Variants in MYCBPAP observed in about 807,000 individuals in gnomAD.
MYCBPAP encodes the protein MYCBP-associated protein.
MYCBPAP carries 60 observed loss-of-function variants against 106.1 expected under a neutral mutation model. The observed-to-expected ratio is 0.57, with a 90% CI of 0.46 to 0.70. The LOEUF (loss-of-function observed/expected upper bound fraction) is 0.70. Ranked by LOEUF, MYCBPAP falls within the 30% of genes least tolerant of loss-of-function variation. The pLI, the probability that MYCBPAP is intolerant of heterozygous loss-of-function variation, is 0.00. For missense variants in MYCBPAP, 1,064 were observed against 1,169.3 expected (o/e 0.91, Z 1.31); for synonymous variants, 407 against 440.6 (o/e 0.92, Z 0.95).
rs887938702 is a variant in MYCBPAP at position 50,509,379 on chromosome 17, C to T, written c.76+629C>T. ...GCTAGATATGACTGCTTCCTACCCT[C>T]TACAGCTTTCTTCTGGTTGCACCTG... On this transcript the variant is annotated intron_variant, in intron 1 of 18. Coordinates refer to ENST00000323776, the MANE Select transcript of MYCBPAP (RefSeq NM_032133.6). The T allele has an allele frequency of 1.4e-5, 7 of 494,132 alleles. No homozygotes were observed. In the East Asian group the frequency reaches 1.8e-4, roughly 13 times the overall value. 30.6% of individuals were successfully genotyped at this position (494,132 alleles called of 1,614,324 possible).
intron 1 of MYCBPAP, chr17:50,509,511 A>G (rs2143875069): frequency 5.4e-6 from 1 of 185,892 alleles, no homozygotes; most frequent in Admixed American, 5.6e-5. Flanking sequence ...ATTTATTTTT[A>G]AATTTAATTT....
At chr17:50,520,385 A>T (rs2034214101) in intron 7 of MYCBPAP, among the ~76,000 whole-genome samples, 1 of 152,072 alleles carries the variant, frequency 6.6e-6, no homozygotes, top group Admixed American at 6.6e-5. Context: ...CGCGCCTAGA[A>T]TCCCAGCTAC....
Position 50,523,668 on chromosome 17 carries a change from G to C in MYCBPAP, c.1519G>C (p.Glu507Gln). ...GTCTTTGACTGCTGGGGTCTTCAGG[G>C]AATTTTGGGAGTTTCGAACCCATCC... ...FKSLTAGVFR[E>Q]FWEFRTHPTL... The change falls in exon 12 of 19, where the codon GAA becomes CAA. Residue 507 changes from glutamate to glutamine, a missense_variant. Physicochemically the swap from Glu to Gln is conservative, Grantham distance 29 (BLOSUM62 2). Transcript: ENST00000323776. The C allele has an allele frequency of 6.2e-7, 1 of 1,614,220 alleles. No individual in the cohort carries two copies. The highest frequency in any genetic ancestry group is 8.5e-7 in the Non-Finnish European group (1 of 1,180,042).
chr17:50,529,417 G>A (rs1333819172), intron 18 of MYCBPAP: 2 of 500,684 alleles, frequency 4.0e-6, no homozygotes, highest in African/African-American at 1.9e-5. Flanking sequence ...AGGCACAGAG[G>A]CCTCAGTGAG....
In MYCBPAP at chr17:50,529,026, C is replaced by T. The variant is rs1414636089; in HGVS notation, c.2562C>T (p.Pro854=). 59 of 1,613,840 alleles carry T rather than the reference C, an allele frequency of 3.7e-5. No homozygotes were observed. Among genetic ancestry groups the T allele is most frequent in the Non-Finnish European group, 4.7e-5 (56 of 1,179,874 alleles). The change falls in exon 18 of 19, where the codon CCC becomes CCT. Residue 854 remains proline, a synonymous_variant. Coordinates refer to ENST00000323776, the MANE Select transcript of MYCBPAP (RefSeq NM_032133.6). ...GAKLLGKEDR[P]NSKKHKAKDD... Reference sequence around the variant, plus strand: ...TCTCCCTCCCCCAGCAGGACCGTCCCAACAGCAAGAAGCACAAGGCAAAGG... The same window carrying T: ...TCTCCCTCCCCCAGCAGGACCGTCCTAACAGCAAGAAGCACAAGGCAAAGG...
At chr17:50,518,473 G>A in intron 4 of MYCBPAP, 68 bp from the exon 5 acceptor site, 1 of 1,405,328 alleles carries the variant, frequency 7.1e-7, no homozygotes, top group Non-Finnish European at 9.5e-7. Context: ...TAGGCCTCGG[G>A]AAATGTGTGC....
chr17:50,531,297 T>C, intron 18 of MYCBPAP, 30 bp from the exon 19 acceptor site: 1 of 1,529,508 alleles, frequency 6.5e-7, no homozygotes, highest in East Asian at 2.3e-5. Flanking sequence ...CAGAGTAAAC[T>C]CTGCCTGTGA....
intron 7 of MYCBPAP, 157 bp from the exon 8 acceptor site, chr17:50,520,953 G>A (rs1322703214): frequency 4.8e-6 from 3 of 622,954 alleles, no homozygotes; most frequent in Non-Finnish European, 8.5e-6. Context: ...AGGAGGTATA[G>A]GACAGGAGAA....
At chr17:50,530,654 T>C (rs1031819078) in intron 18 of MYCBPAP, among the ~76,000 whole-genome samples, 2 of 148,478 alleles carry the variant, frequency 1.3e-5, no homozygotes, top group African/African-American at 5.0e-5. Flanking sequence ...AGAATCAACT[T>C]GTCTGGGCTT....
chr17:50,531,417 C>T lies in MYCBPAP; in HGVS notation c.2815C>T (p.Leu939Phe), dbSNP rs749299098. 3 of 1,610,614 alleles carry T rather than the reference C, an allele frequency of 1.9e-6. No homozygotes were observed. The highest frequency in any genetic ancestry group is 2.5e-6 in the Non-Finnish European group (3 of 1,178,818). ...AAAGAATGTCGAGGAGGCTTTGCGCCTCTGCAGGTGACTCTCGGGCCCAAG... is the reference window on the plus strand; with the variant it reads ...AAAGAATGTCGAGGAGGCTTTGCGCTTCTGCAGGTGACTCTCGGGCCCAAG... ...PIKNVEEALRLCR is the reference protein window; with the variant it reads ...PIKNVEEALRFCR The change falls in exon 19 of 19, where the codon CTC (leucine) becomes TTC (phenylalanine). Residue 939 changes from leucine (L) to phenylalanine (F), a missense_variant. Physicochemically the swap from Leu to Phe is conservative, Grantham distance 22. Coordinates refer to ENST00000323776, the MANE Select transcript of MYCBPAP (RefSeq NM_032133.6).
Position 50,525,915 on chromosome 17 carries a change from A to G in MYCBPAP, c.1817A>G (p.His606Arg), listed in dbSNP as rs1359453526. 1 of 1,612,520 alleles carries G rather than the reference A, an allele frequency of 6.2e-7. No homozygotes were observed. Among genetic ancestry groups the G allele is most frequent in the Non-Finnish European group, 8.5e-7 (1 of 1,179,746 alleles). Residue 606 changes from histidine (H) to arginine (R), a missense_variant, in exon 14 of 19, where the codon CAC (histidine) becomes CGC (arginine). His to Arg is a conservative substitution (Grantham distance 29). Coordinates refer to ENST00000323776, the MANE Select transcript of MYCBPAP (RefSeq NM_032133.6). ...GAGCACCAAGTGGTGCAAAGCCTGCACCAACTGTGGCGCCAGTACATGACC... is the reference window on the plus strand; with the variant it reads ...GAGCACCAAGTGGTGCAAAGCCTGCGCCAACTGTGGCGCCAGTACATGACC... ...HYEHQVVQSL[H>R]QLWRQYMTLP... is the part of the protein sequence containing the mutation.
At chr17:50,530,554 G>A (rs2034603186) in intron 18 of MYCBPAP, among the ~76,000 whole-genome samples, 2 of 150,110 alleles carry the variant, frequency 1.3e-5, no homozygotes, top group African/African-American at 4.9e-5. Flanking sequence ...CTAGCACGTT[G>A]GAAGGCTGAG....
chr17:50,519,126 G>T, intron 6 of MYCBPAP, 37 bp downstream of exon 6: 2 of 1,459,462 alleles, frequency 1.4e-6, no homozygotes, highest in Non-Finnish European at 1.9e-6. Flanking sequence ...GGGGCAGGGG[G>T]GTCCATGGAG....
At chr17:50,512,788 A>G (rs755039098) in intron 1 of MYCBPAP, among the ~76,000 whole-genome samples, 1 of 152,200 alleles carries the variant, frequency 6.6e-6, no homozygotes, top group African/African-American at 2.4e-5. Flanking sequence ...AGATACATAT[A>G]TATCCCTGGG....
rs2034498996 is a variant in MYCBPAP at position 50,527,461 on chromosome 17, C to T, written c.2291+53C>T. ...CATCTCCTTCCCTTTGTGGCATCTG[C>T]AGGGGTCCTGGGCAGGCAGTCCTGG... On this transcript the variant is annotated intron_variant, in intron 15 of 18. Coordinates refer to ENST00000323776, the MANE Select transcript of MYCBPAP (RefSeq NM_032133.6). 8 of 1,606,052 alleles carry T rather than the reference C, an allele frequency of 5.0e-6. No homozygotes were observed. In the African/African-American group the frequency reaches 1.1e-4, roughly 21 times the overall value.
intron 10 of MYCBPAP, chr17:50,522,709 A>AAAAAAAATAT: frequency 2.0e-5 from 1 of 50,044 alleles, no homozygotes; most frequent in African/African-American, 1.2e-4. Flanking sequence ...AAAAAAAAAA[A>AAAAAAAATAT]ATATATATAT....
chr17:50,511,926 C>T (rs2033864122), intron 1 of MYCBPAP, among the ~76,000 whole-genome samples: 1 of 152,144 alleles, frequency 6.6e-6, no homozygotes. Context: ...TTCTGAAATG[C>T]ACCTGTCATC....
At chr17:50,523,237 G>C (rs2034342924) in intron 11 of MYCBPAP, 109 bp downstream of exon 11, 6 of 1,110,200 alleles carry the variant, frequency 5.4e-6, no homozygotes, top group Non-Finnish European at 7.9e-6. Flanking sequence ...TTTGAGCCCT[G>C]CTTCCCTGCC....
chr17:50,527,387 C>A lies in MYCBPAP; in HGVS notation c.2270C>A (p.Ser757Tyr), dbSNP rs749946199. 2 of 1,614,098 alleles carry A rather than the reference C, an allele frequency of 1.2e-6. No individual in the cohort carries two copies. Among genetic ancestry groups the A allele is most frequent in the East Asian group, 4.5e-5 (2 of 44,884 alleles). ...TGCCAGAAGCCAAGGCCATTGCAGT[C>A]CAACCTCCTGCACCAGATGTGGTAG... is the stretch of plus-strand genomic sequence containing the variant. ...ELCQKPRPLQ[S>Y]NLLHQMCLQL... is the part of the protein sequence containing the mutation. Residue 757 changes from serine to tyrosine, a missense_variant, in exon 15 of 19, where the codon TCC becomes TAC. Transcript: ENST00000323776.
Sources: gnomAD v4.1 joint callset for allele counts (sites outside exome capture counted in the v4.1 genomes callset) on GRCh38, gnomAD v4.1.1 for gene constraint, MANE v1.5 for transcripts, NCBI Gene and HGNC (gene_info 2026-07-23, HGNC 2026-07-21) for gene names.